The following CREM variants were observed in gnomAD, a reference collection of about 807,000 sequenced individuals.
CREM encodes cAMP responsive element modulator, also known as cAMP-responsive element modulator.
In CREM, 13 loss-of-function variants were observed where a neutral mutation model predicts 37.3. The ratio of observed to expected loss-of-function variants is 0.35; its 90% CI spans 0.23 to 0.55. CREM has a LOEUF of 0.55. Among genes scored for constraint, CREM ranks in the 20% least tolerant of loss-of-function variants. CREM has a pLI of 0.88. For missense variants in CREM, 296 were observed against 362.3 expected (o/e 0.82, Z 1.49); for synonymous variants, 124 against 120.2 (o/e 1.03, Z -0.21).
At chr10:35,189,032 A>G (rs1272527674) in intron 6 of CREM, among the ~76,000 whole-genome samples, 2 of 152,132 alleles carry the variant, frequency 1.3e-5, no homozygotes, top group African/African-American at 4.8e-5. Flanking sequence ...CAAATGTTGT[A>G]CCTAATAGAT....
rs368315723 is a variant in CREM, at chr10:35,178,984, T to C, written c.264T>C (p.Tyr88=). ...AAATCCTTTCACGAAGACCCTCTTA[T>C]AGGTAAGTTAACCAAGTTTCCTAAT... is the stretch of plus-strand genomic sequence containing the variant. ...RREILSRRPS[Y]RKILNELSSD... The change falls in exon 4 of 8, where the codon TAT becomes TAC. Residue 88 remains tyrosine, a splice_region_variant and synonymous_variant. Coordinates refer to ENST00000685392, the MANE Select transcript of CREM (RefSeq NM_183011.2). 2.5e-5 allele frequency: 40 copies of C among 1,599,888 alleles called. No homozygotes were observed. The South Asian group carries it at 3.1e-4, about 12-fold the overall frequency.
At chr10:35,128,771 C>T (rs1467905636) in intron 1 of CREM, among the ~76,000 whole-genome samples, 2 of 152,054 alleles carry the variant, frequency 1.3e-5, no homozygotes, top group East Asian at 1.9e-4. Flanking sequence ...GTGATCCGCC[C>T]GCGTCGGCCT....
chr10:35,175,608 A>G (rs570271926), intron 3 of CREM: 35 of 1,520,026 alleles, frequency 2.3e-5, no homozygotes, highest in Non-Finnish European at 3.0e-5. Flanking sequence ...ATTCTTAGCC[A>G]CCGAAGTATG....
intron 3 of CREM, among the ~76,000 whole-genome samples, chr10:35,176,720 T>C (rs1037733692): frequency 6.6e-6 from 1 of 152,186 alleles, no homozygotes; most frequent in African/African-American, 2.4e-5. Flanking sequence ...GTGCTGATGC[T>C]GTTTTCATGA....
At chr10:35,163,177 T>G (rs180772539) in intron 3 of CREM, among the ~76,000 whole-genome samples, 357 of 152,036 alleles carry the variant, frequency 2.3e-3, no homozygotes, top group Non-Finnish European at 3.8e-3. Flanking sequence ...GCCACCGCAC[T>G]CCAGCCTGGG....
chr10:35,188,120 C>T, intron 5 of CREM, 80 bp from the exon 6 acceptor site: 1 of 1,324,638 alleles, frequency 7.5e-7, no homozygotes, highest in Non-Finnish European at 1.0e-6. Flanking sequence ...ATAAATAGAC[C>T]CAGAGTATAT....
At chr10:35,130,892 G>A (rs748106557) in intron 1 of CREM, among the ~76,000 whole-genome samples, 3 of 152,208 alleles carry the variant, frequency 2.0e-5, no homozygotes, top group Non-Finnish European at 4.4e-5. Flanking sequence ...TTCAGTTATA[G>A]CAAGGTTTAC....
intron 3 of CREM, among the ~76,000 whole-genome samples, chr10:35,161,536 C>T (rs868385504): frequency 4.0e-5 from 6 of 151,634 alleles, no homozygotes; most frequent in Non-Finnish European, 8.8e-5. Flanking sequence ...TGGTGTTGTG[C>T]ACCTGTAATC....
intron 2 of CREM, among the ~76,000 whole-genome samples, chr10:35,142,215 A>G (rs2135768213): frequency 6.6e-6 from 1 of 152,294 alleles, no homozygotes; most frequent in South Asian, 2.1e-4. Context: ...TATGTGTATA[A>G]GTTGTGAGAT....
chr10:35,145,776 C>CAAAAAAAA (rs370248344), intron 2 of CREM, among the ~76,000 whole-genome samples: 2 of 85,230 alleles, frequency 2.3e-5, no homozygotes, highest in Non-Finnish European at 4.1e-5. Flanking sequence ...GACTCTGCCT[C>CAAAAAAAA]AAAAAAAAAA....
chr10:35,135,398 TTTATTCCTGTAGAAAA>T (rs779390665), intron 1 of CREM: 6 of 152,184 alleles, frequency 3.9e-5, no homozygotes, highest in Non-Finnish European at 7.4e-5. Context: ...TGTGTTTTAA[TTTATTCCTGTAGAAAA>T]TTATTCCTGT....
chr10:35,157,162 C>T (rs1174430655), intron 3 of CREM, among the ~76,000 whole-genome samples: 2 of 152,126 alleles, frequency 1.3e-5, no homozygotes, highest in African/African-American at 2.4e-5. Flanking sequence ...CATCTCAATA[C>T]ATGCATAAAA....
intron 3 of CREM, chr10:35,154,080 C>A (rs2092752239): frequency 2.5e-6 from 1 of 398,472 alleles, no homozygotes; most frequent in Admixed American, 4.4e-5. Context: ...TGTAAGGAGT[C>A]CCTCGGAATA....
intron 5 of CREM, among the ~76,000 whole-genome samples, chr10:35,184,084 G>GAACA (rs2133370295): frequency 6.6e-6 from 1 of 152,076 alleles, no homozygotes; most frequent in African/African-American, 2.4e-5. Flanking sequence ...CAAAATAAAT[G>GAACA]AACAAATAAA....
chr10:35,194,787 A>G (rs2095078186), intron 6 of CREM, among the ~76,000 whole-genome samples: 1 of 151,142 alleles, frequency 6.6e-6, no homozygotes, highest in African/African-American at 2.4e-5. Context: ...CTTATGAGTT[A>G]GGAAATTATG....
At chr10:35,139,713 A>G (rs1478513082) in intron 2 of CREM, among the ~76,000 whole-genome samples, 1 of 152,230 alleles carries the variant, frequency 6.6e-6, no homozygotes, top group African/African-American at 2.4e-5. Flanking sequence ...TTAATACAGA[A>G]GGTGAGATTT....
chr10:35,201,901 C>T (rs559840561), intron 6 of CREM, among the ~76,000 whole-genome samples: 1 of 152,154 alleles, frequency 6.6e-6, no homozygotes, highest in Non-Finnish European at 1.5e-5. Flanking sequence ...TTCTAAATGA[C>T]AGCAGGCTTG....
At chr10:35,142,298 AATC>A (rs1222136371) in intron 2 of CREM, among the ~76,000 whole-genome samples, 4 of 152,298 alleles carry the variant, frequency 2.6e-5, no homozygotes, top group African/African-American at 9.6e-5. Context: ...TTGATAGTAT[AATC>A]CCCTGGGGCA....
intron 3 of CREM, among the ~76,000 whole-genome samples, chr10:35,164,980 C>T (rs570307291): frequency 6.9e-6 from 1 of 145,588 alleles, no homozygotes; most frequent in South Asian, 2.2e-4. Context: ...GAAACTTGAA[C>T]CCGGAAGGCA....
Sources: gnomAD v4.1 joint callset for allele counts (sites outside exome capture counted in the v4.1 genomes callset) on GRCh38, gnomAD v4.1.1 for gene constraint, MANE v1.5 for transcripts, NCBI Gene and HGNC (gene_info 2026-07-23, HGNC 2026-07-21) for gene names.